The following ARID1B variants were observed in gnomAD, a reference collection of about 807,000 sequenced individuals.
The protein encoded by ARID1B is AT-rich interactive domain-containing protein 1B.
ARID1B carries 30 observed loss-of-function variants against 212.3 expected under a neutral mutation model. The observed-to-expected ratio is 0.14, with a 90% CI of 0.11 to 0.19. The LOEUF is 0.19. ARID1B is among the 10% of genes least tolerant of loss of function. The probability of loss-of-function intolerance (pLI) is 1.00; values close to 1 mark genes in which losing one functional copy is unlikely to be tolerated. For missense variants in ARID1B, 2,891 were observed against 3,204.0 expected (o/e 0.90, Z 2.36); for synonymous variants, 1,402 against 1,301.7 (o/e 1.08, Z -1.66).
At chr6:156,922,059 C>T (rs535626624) in intron 3 of ARID1B, among the ~76,000 whole-genome samples, 6 of 152,208 alleles carry the variant, frequency 3.9e-5, no homozygotes, top group East Asian at 3.9e-4. Context: ...ATCCAGCACG[C>T]GGGTTCAGGA....
In ARID1B at chr6:156,990,378, C is replaced by G. The variant is rs530727644; in HGVS notation, c.2247+54802C>G. 9.0e-4 allele frequency among the ~76,000 whole-genome samples: 137 copies of G among 152,130 alleles called. 1 individual carries two copies. In the Middle Eastern group the frequency reaches 0.02, roughly 23 times the overall value. ...CTTTTGTAGGCCGGGCGCTGTGGCT[C>G]ACACCTGTAATCCCAGCACTTTGGG... On this transcript the variant is annotated intron_variant, in intron 4 of 19. Transcript: ENST00000636930.
intron 2 of ARID1B, among the ~76,000 whole-genome samples, chr6:156,849,169 AT>A (rs1684762832): frequency 6.6e-6 from 1 of 152,104 alleles, no homozygotes; most frequent in African/African-American, 2.4e-5. Flanking sequence ...TATGTATGCT[AT>A]TTTTTATTCT....
chr6:156,793,546 G>C (rs539176589), intron 1 of ARID1B, among the ~76,000 whole-genome samples: 7 of 152,220 alleles, frequency 4.6e-5, no homozygotes, highest in African/African-American at 1.7e-4. Flanking sequence ...GTGTTGCCCG[G>C]GCTGGTCTTG....
At chr6:156,997,323 C>T (rs1778651430) in intron 4 of ARID1B, among the ~76,000 whole-genome samples, 1 of 152,184 alleles carries the variant, frequency 6.6e-6, no homozygotes, top group African/African-American at 2.4e-5. Flanking sequence ...TGCAAAAACC[C>T]TGCACTCTGT....
intron 4 of ARID1B, among the ~76,000 whole-genome samples, chr6:156,963,470 G>GC (rs1253051834): frequency 3.0e-4 from 46 of 152,214 alleles, no homozygotes; most frequent in Admixed American, 2.8e-3. Flanking sequence ...ACAGTTAGTT[G>GC]CGTAGGTCAT....
intron 6 of ARID1B, among the ~76,000 whole-genome samples, chr6:157,116,940 A>G (rs1256870770): frequency 6.6e-6 from 1 of 152,180 alleles, no homozygotes; most frequent in Non-Finnish European, 1.5e-5. Flanking sequence ...TTTTCTCTAT[A>G]GTTCTATAGA....
intron 2 of ARID1B, among the ~76,000 whole-genome samples, chr6:156,830,295 G>A (rs1583120331): frequency 6.6e-6 from 1 of 152,194 alleles, no homozygotes; most frequent in Admixed American, 6.5e-5. Flanking sequence ...GCTGCTGCAC[G>A]TTTTACTGCC....
intron 2 of ARID1B, among the ~76,000 whole-genome samples, chr6:156,842,157 T>C (rs754702657): frequency 2.0e-5 from 3 of 152,230 alleles, no homozygotes; most frequent in Non-Finnish European, 4.4e-5. Context: ...CTTAAAAATG[T>C]ACAGTTCAAT....
intron 8 of ARID1B, among the ~76,000 whole-genome samples, chr6:157,153,944 A>G (rs939239198): frequency 3.3e-5 from 5 of 152,134 alleles, no homozygotes; most frequent in African/African-American, 1.2e-4. Context: ...CTGACCTTGT[A>G]ACATTTTTTA....
chr6:157,186,509 C>T lies in ARID1B; in HGVS notation c.3919+2074C>T, dbSNP rs954721101. On this transcript the variant is annotated intron_variant, in intron 13 of 19. Transcript: ENST00000636930. ...GGCACCCTGGTCTTCAGAAGCCTCT[C>T]GATTCACTGCCACCCACACAGCAGG... 16 of 471,056 alleles carry T rather than the reference C, an allele frequency of 3.4e-5. No individual in the cohort carries two copies. In the East Asian group the frequency reaches 9.7e-4, roughly 29 times the overall value. 29.2% of individuals were successfully genotyped at this position (471,056 alleles called of 1,614,324 possible). A position where few individuals can be genotyped will look rare whatever the true frequency, so the allele number is the denominator to read the frequency against.
upstream of ARID1B, chr6:156,777,227 CAGCCTT>C (rs1237095106): frequency 2.6e-5 from 4 of 151,114 alleles, no homozygotes; most frequent in Non-Finnish European, 5.9e-5. Context: ...GCCCCGGCCC[CAGCCTT>C]AGCCCAAGCC....
chr6:156,850,772 C>T (rs1784533586), intron 2 of ARID1B, among the ~76,000 whole-genome samples: 1 of 152,164 alleles, frequency 6.6e-6, no homozygotes, highest in Non-Finnish European at 1.5e-5. Flanking sequence ...AGCAGTTAAA[C>T]TTGCTATCCG....
intron 2 of ARID1B, among the ~76,000 whole-genome samples, chr6:156,894,115 A>C (rs1447986210): frequency 1.3e-5 from 2 of 152,158 alleles, no homozygotes; most frequent in Non-Finnish European, 2.9e-5. Context: ...GAAACATGAT[A>C]CACACCACAA....
chr6:156,797,182 A>G (rs1446315351), intron 1 of ARID1B, among the ~76,000 whole-genome samples: 1 of 152,160 alleles, frequency 6.6e-6, no homozygotes, highest in East Asian at 1.9e-4. Context: ...GGGGCTGGGG[A>G]TACCACAGTG....
intron 4 of ARID1B, among the ~76,000 whole-genome samples, chr6:157,036,115 C>T (rs1376866348): frequency 2.0e-5 from 3 of 152,150 alleles, no homozygotes; most frequent in Admixed American, 6.5e-5. Context: ...TCTTTTCCAT[C>T]GTGTATTGGT....
intron 2 of ARID1B, among the ~76,000 whole-genome samples, chr6:156,888,078 A>G (rs1401755890): frequency 1.3e-5 from 2 of 152,238 alleles, no homozygotes; most frequent in Non-Finnish European, 1.5e-5. Flanking sequence ...TGTCCCAGTC[A>G]TGCGGTTACA....
chr6:157,016,280 C>A (rs560602860), intron 4 of ARID1B, among the ~76,000 whole-genome samples: 2 of 152,248 alleles, frequency 1.3e-5, no homozygotes, highest in East Asian at 3.9e-4. Flanking sequence ...TTTTAAACTT[C>A]AATACTCAAT....
At chr6:157,082,663 G>A (rs1161793432) in intron 4 of ARID1B, among the ~76,000 whole-genome samples, 3 of 152,156 alleles carry the variant, frequency 2.0e-5, no homozygotes, top group African/African-American at 7.2e-5. Flanking sequence ...CACTCCTCCT[G>A]CCTCAGCTTC....
intron 1 of ARID1B, among the ~76,000 whole-genome samples, chr6:156,806,833 G>T (rs1281213449): frequency 6.6e-6 from 1 of 152,206 alleles, no homozygotes; most frequent in Non-Finnish European, 1.5e-5. Context: ...GATGATGTTT[G>T]TTTCAACTAC....
Sources: gnomAD v4.1 joint callset for allele counts (sites outside exome capture counted in the v4.1 genomes callset) on GRCh38, gnomAD v4.1.1 for gene constraint, MANE v1.5 for transcripts, NCBI Gene and HGNC (gene_info 2026-07-23, HGNC 2026-07-21) for gene names.